The following CDKAL1 variants were observed in gnomAD, a reference collection of about 807,000 sequenced individuals.
CDKAL1 encodes the protein CDKAL1 threonylcarbamoyladenosine tRNA methylthiotransferase.
Under a neutral mutation model 68.2 loss-of-function variants are expected in CDKAL1, and 32 were observed. The observed-to-expected ratio is 0.47, with a 90% CI of 0.35 to 0.63. The LOEUF is 0.63. CDKAL1 is among the 30% of genes least tolerant of loss of function. The probability of loss-of-function intolerance (pLI) is 0.00; values close to 1 mark genes in which losing one functional copy is unlikely to be tolerated. For missense variants in CDKAL1, 606 were observed against 696.7 expected (o/e 0.87, Z 1.47); for synonymous variants, 234 against 244.3 (o/e 0.96, Z 0.39).
intron 13 of CDKAL1, among the ~76,000 whole-genome samples, chr6:21,110,041 T>C (rs935029772): frequency 3.9e-5 from 6 of 152,236 alleles, no homozygotes; most frequent in African/African-American, 1.2e-4. Flanking sequence ...TTCCCTTCAT[T>C]CCTCTACAAC....
At chr6:20,844,629 C>A (rs1376769830) in intron 8 of CDKAL1, among the ~76,000 whole-genome samples, 1 of 151,142 alleles carries the variant, frequency 6.6e-6, no homozygotes, top group East Asian at 1.9e-4. Context: ...AGGGGAGGGT[C>A]GCTTGAGCCC....
At chr6:21,002,095 A>G (rs1767455781) in intron 11 of CDKAL1, among the ~76,000 whole-genome samples, 1 of 152,190 alleles carries the variant, frequency 6.6e-6, no homozygotes, top group East Asian at 1.9e-4. Flanking sequence ...GTTGTTCTGG[A>G]GGTCTGTTAA....
chr6:20,716,729 A>G (rs1267752761), intron 5 of CDKAL1, among the ~76,000 whole-genome samples: 1 of 151,538 alleles, frequency 6.6e-6, no homozygotes, highest in Non-Finnish European at 1.5e-5. Flanking sequence ...GTTGGTTTGT[A>G]TACTTGATTT....
At chr6:21,036,121 C>T (rs1278897141) in intron 11 of CDKAL1, among the ~76,000 whole-genome samples, 2 of 152,158 alleles carry the variant, frequency 1.3e-5, no homozygotes, top group Admixed American at 6.6e-5. Context: ...TTAACTTTGA[C>T]AGCATGGTAA....
At chr6:21,015,656 G>T (rs964618548) in intron 11 of CDKAL1, among the ~76,000 whole-genome samples, 1 of 152,048 alleles carries the variant, frequency 6.6e-6, no homozygotes, top group Non-Finnish European at 1.5e-5. Flanking sequence ...GCCGGGTGCG[G>T]TGGCTCACAC....
rs148343275 is a variant in CDKAL1 at position 20,652,960 on chromosome 6, T to C, written c.371+3583T>C. Among the ~76,000 whole-genome samples the C allele has an allele frequency of 2.2e-3, 339 of 152,344 alleles. 2 individuals carry two copies. The highest frequency in any genetic ancestry group is 0.017 in the South Asian group (84 of 4,828). ...CTATTAAGTATGTCTTTAAACAGTGTGTTGTCTTGTTTAGCCGTATTTTGA... is the reference window on the plus strand; with the variant it reads ...CTATTAAGTATGTCTTTAAACAGTGCGTTGTCTTGTTTAGCCGTATTTTGA... On this transcript the variant is annotated intron_variant, in intron 5 of 15. Transcript: ENST00000274695.
intron 5 of CDKAL1, among the ~76,000 whole-genome samples, chr6:20,705,186 C>T (rs917733995): frequency 3.3e-5 from 5 of 152,130 alleles, no homozygotes; most frequent in African/African-American, 1.2e-4. Context: ...GGTAGCTGAC[C>T]TTAAGTGTAA....
intron 4 of CDKAL1, among the ~76,000 whole-genome samples, chr6:20,599,694 A>G (rs1230609441): frequency 1.3e-5 from 2 of 152,194 alleles, no homozygotes; most frequent in Non-Finnish European, 2.9e-5. Context: ...AGCCTGTGTT[A>G]GGTATTCAAA....
chr6:21,082,627 CAG>C, intron 12 of CDKAL1, among the ~76,000 whole-genome samples: 1 of 152,186 alleles, frequency 6.6e-6, no homozygotes, highest in Non-Finnish European at 1.5e-5. Context: ...TCTATTATGA[CAG>C]TAAGTTTATA....
rs1364067495 is a variant in CDKAL1 at position 21,120,358 on chromosome 6, C to T, written c.1299+11895C>T. ...AGCAAATTCAGGGCTAAAATCCAGT[C>T]TTTTAATTCCCAGTTTTGTGCTCTG... On this transcript the variant is annotated intron_variant, in intron 13 of 15. Transcript: ENST00000274695. 3.3e-5 allele frequency among the ~76,000 whole-genome samples: 5 copies of T among 152,346 alleles called. No homozygotes were observed. In the East Asian group the frequency reaches 7.7e-4, roughly 24 times the overall value.
At position 21,011,030 on chromosome 6, in the gene CDKAL1, C is replaced by T. The variant is rs534361119; in HGVS notation, c.1055+10658C>T. On this transcript the variant is annotated intron_variant, in intron 11 of 15. Coordinates refer to ENST00000274695, the MANE Select transcript of CDKAL1 (RefSeq NM_017774.3). ...CCGGGAGGTGGAGCTTGCAGTTAGCCGAGATCGCACCACTGCACTCCAGCC... is the reference window on the plus strand; with the variant it reads ...CCGGGAGGTGGAGCTTGCAGTTAGCTGAGATCGCACCACTGCACTCCAGCC... 7.3e-3 allele frequency among the ~76,000 whole-genome samples: 858 copies of T among 118,250 alleles called. 11 individuals are homozygous for T. The highest frequency in any genetic ancestry group is 0.025 in the African/African-American group (769 of 30,908). The allele number at this position is 118,250 out of a possible 152,430, so 77.6% of individuals were successfully genotyped here.
chr6:20,924,040 C>A (rs577386378), intron 9 of CDKAL1, among the ~76,000 whole-genome samples: 1 of 150,842 alleles, frequency 6.6e-6, no homozygotes, highest in Admixed American at 6.6e-5. Context: ...GTAAGGAAGG[C>A]GTGTCAAAAG....
rs1253516800 is a variant in CDKAL1, at chr6:20,534,560, C to T, written c.-64C>T. 3.3e-5 allele frequency: 5 copies of T among 152,706 alleles called. No individual in the cohort carries two copies. The highest frequency in any genetic ancestry group is 1.2e-4 in the African/African-American group (5 of 41,408). 9.5% of individuals were successfully genotyped at this position (152,706 alleles called of 1,614,324 possible). On this transcript the variant is annotated 5_prime_UTR_variant, in exon 1 of 16. Transcript: ENST00000274695. ...TTTTCTCACTTTGGACTGGTTTTTACTTCCCGACTTCTGGGTAAGGGTGGC... is the reference window on the plus strand; with the variant it reads ...TTTTCTCACTTTGGACTGGTTTTTATTTCCCGACTTCTGGGTAAGGGTGGC...
At chr6:20,546,634 ACCT>A in intron 3 of CDKAL1, 111 bp downstream of exon 3, 1 of 755,528 alleles carries the variant, frequency 1.3e-6, no homozygotes, top group Non-Finnish European at 2.1e-6. Context: ...GTTCACTGCA[ACCT>A]CCTCCTCCTG....
At chr6:21,207,768 CATT>C (rs977166916) in intron 15 of CDKAL1, among the ~76,000 whole-genome samples, 5 of 152,128 alleles carry the variant, frequency 3.3e-5, no homozygotes. Flanking sequence ...CTACTATTTT[CATT>C]ATTAATTTGT....
At chr6:21,002,738 AG>A (rs1767495028) in intron 11 of CDKAL1, among the ~76,000 whole-genome samples, 1 of 151,954 alleles carries the variant, frequency 6.6e-6, no homozygotes, top group Non-Finnish European at 1.5e-5. Flanking sequence ...CTGGAATCCT[AG>A]TACATTGGGA....
At chr6:20,667,792 G>A (rs1282403231) in intron 5 of CDKAL1, among the ~76,000 whole-genome samples, 1 of 151,984 alleles carries the variant, frequency 6.6e-6, no homozygotes, top group Non-Finnish European at 1.5e-5. Context: ...TAGACTAATA[G>A]CAAAATTGTA....
intron 9 of CDKAL1, among the ~76,000 whole-genome samples, chr6:20,860,379 A>G (rs1305930789): frequency 6.6e-6 from 1 of 152,282 alleles, no homozygotes; most frequent in East Asian, 1.9e-4. Flanking sequence ...TGGCTCAGCC[A>G]AAGCATTTAT....
intron 5 of CDKAL1, among the ~76,000 whole-genome samples, chr6:20,725,331 C>T (rs1233508514): frequency 6.6e-6 from 1 of 152,182 alleles, no homozygotes; most frequent in Non-Finnish European, 1.5e-5. Context: ...TTGTTAATCC[C>T]TTTAAGAATG....
Sources: allele counts gnomAD v4.1 joint callset (sites outside exome capture counted in the v4.1 genomes callset), GRCh38; gene constraint gnomAD v4.1.1; transcripts MANE v1.5; gene names NCBI Gene and HGNC (gene_info 2026-07-23, HGNC 2026-07-21).